The following KCNN2 variants were observed in gnomAD, a reference collection of about 807,000 sequenced individuals.
The protein encoded by KCNN2 is small conductance calcium-activated potassium channel protein 2.
KCNN2 carries 24 observed loss-of-function variants against 55.5 expected under a neutral mutation model. That is an observed-to-expected ratio of 0.43 (90% CI 0.31 to 0.61). The LOEUF (loss-of-function observed/expected upper bound fraction) is 0.61. Ranked by LOEUF, KCNN2 falls within the 20% of genes least tolerant of loss-of-function variation. The pLI, the probability that KCNN2 is intolerant of heterozygous loss-of-function variation, is 0.08. For missense variants in KCNN2, 754 were observed against 853.6 expected (o/e 0.88, Z 1.45); for synonymous variants, 431 against 336.1 (o/e 1.28, Z -3.09).
intron 2 of KCNN2, among the ~76,000 whole-genome samples, chr5:114,257,666 A>G (rs2150002812): frequency 6.6e-6 from 1 of 152,292 alleles, no homozygotes; most frequent in East Asian, 1.9e-4. Flanking sequence ...TTATAGGTAT[A>G]CAGAAATGGA....
intron 5 of KCNN2, among the ~76,000 whole-genome samples, chr5:114,474,549 G>C (rs897289301): frequency 1.3e-5 from 2 of 152,132 alleles, no homozygotes; most frequent in Non-Finnish European, 2.9e-5. Context: ...CTGAATAAAG[G>C]CTTGGGTTTC....
chr5:114,329,221 G>A (rs1274814779), intron 2 of KCNN2, among the ~76,000 whole-genome samples: 2 of 152,172 alleles, frequency 1.3e-5, no homozygotes, highest in Non-Finnish European at 1.5e-5. Flanking sequence ...CAAGTCCAGC[G>A]TGATGGTTAA....
At chr5:114,432,777 C>A (rs1396561624) in intron 3 of KCNN2, among the ~76,000 whole-genome samples, 1 of 152,208 alleles carries the variant, frequency 6.6e-6, no homozygotes, top group Non-Finnish European at 1.5e-5. Flanking sequence ...GCACGCCGAG[C>A]AGCCGGCCAG....
intron 2 of KCNN2, among the ~76,000 whole-genome samples, chr5:114,311,632 G>A (rs908529870): frequency 2.6e-5 from 4 of 152,058 alleles, no homozygotes; most frequent in Non-Finnish European, 4.4e-5. Context: ...GTTTTATCAA[G>A]CTTTTTGTGC....
intron 1 of KCNN2, among the ~76,000 whole-genome samples, chr5:114,151,162 T>A (rs1752516197): frequency 1.3e-5 from 2 of 152,134 alleles, no homozygotes; most frequent in South Asian, 4.2e-4. Context: ...GTAAAACAGA[T>A]CTGTTACATT....
chr5:114,207,694 T>G (rs768736810), intron 1 of KCNN2, among the ~76,000 whole-genome samples: 1 of 152,210 alleles, frequency 6.6e-6, no homozygotes, highest in East Asian at 1.9e-4. Flanking sequence ...AGAATTACTT[T>G]CAGGAGCATT....
chr5:114,111,352 A>G (rs562351355), intron 1 of KCNN2, among the ~76,000 whole-genome samples: 31 of 152,344 alleles, frequency 2.0e-4, no homozygotes, highest in Non-Finnish European at 3.5e-4. Context: ...AAAGACTTCA[A>G]TGTAATACCT....
intron 2 of KCNN2, among the ~76,000 whole-genome samples, chr5:114,374,227 C>A (rs530716948): frequency 3.7e-4 from 57 of 152,094 alleles, no homozygotes; most frequent in Non-Finnish European, 6.3e-4. Context: ...CTAATTAGGA[C>A]CCTGGTGACT....
intron 1 of KCNN2, among the ~76,000 whole-genome samples, chr5:114,147,826 G>T (rs780730563): frequency 6.6e-6 from 1 of 152,142 alleles, no homozygotes; most frequent in Admixed American, 6.6e-5. Flanking sequence ...AATGGCGCGA[G>T]CTTCTAGGTG....
At chr5:114,193,323 C>G (rs1753487113) in intron 1 of KCNN2, among the ~76,000 whole-genome samples, 1 of 152,090 alleles carries the variant, frequency 6.6e-6, no homozygotes. Flanking sequence ...TGAATTGTCT[C>G]TGGGCAAATA....
intron 2 of KCNN2, among the ~76,000 whole-genome samples, chr5:114,298,188 G>T (rs935941984): frequency 6.6e-6 from 1 of 152,200 alleles, no homozygotes; most frequent in Non-Finnish European, 1.5e-5. Context: ...CACTGGCAAA[G>T]AATACACGTT....
chr5:114,333,533 G>A (rs990412913), intron 2 of KCNN2, among the ~76,000 whole-genome samples: 3 of 151,508 alleles, frequency 2.0e-5, no homozygotes, highest in African/African-American at 7.3e-5. Context: ...TTTCTATGTA[G>A]GTGACTTTAT....
At chr5:114,239,054 G>A (rs1394076932) in intron 2 of KCNN2, among the ~76,000 whole-genome samples, 1 of 152,172 alleles carries the variant, frequency 6.6e-6, no homozygotes, top group Admixed American at 6.5e-5. Flanking sequence ...ATAGGAAGAG[G>A]CCCAAAGATT....
intron 1 of KCNN2, among the ~76,000 whole-genome samples, chr5:114,104,837 G>C (rs574500519): frequency 1.3e-5 from 2 of 152,072 alleles, no homozygotes; most frequent in Admixed American, 6.6e-5. Flanking sequence ...GGGGAAGAGA[G>C]ATGGAGGAAA....
At chr5:114,224,150 C>A (rs964052032) in intron 2 of KCNN2, among the ~76,000 whole-genome samples, 2 of 152,100 alleles carry the variant, frequency 1.3e-5, no homozygotes, top group Non-Finnish European at 2.9e-5. Flanking sequence ...GACCACAGAA[C>A]TGTGGTTTTC....
chr5:114,270,005 CA>C (rs1755293590), intron 2 of KCNN2, among the ~76,000 whole-genome samples: 1 of 152,200 alleles, frequency 6.6e-6, no homozygotes, highest in South Asian at 2.1e-4. Flanking sequence ...TTCATAAGAA[CA>C]TGCTGATCTC....
At chr5:114,284,268 G>A (rs555633864) in intron 2 of KCNN2, among the ~76,000 whole-genome samples, 2 of 152,182 alleles carry the variant, frequency 1.3e-5, no homozygotes, top group Non-Finnish European at 2.9e-5. Context: ...TTCAGCAAAA[G>A]GGTTAGTGCA....
At chr5:114,464,280 C>G (rs546676234) in intron 4 of KCNN2, among the ~76,000 whole-genome samples, 1 of 152,288 alleles carries the variant, frequency 6.6e-6, no homozygotes, top group African/African-American at 2.4e-5. Context: ...TTTCAATGAC[C>G]TAGGCTTGTC....
intron 2 of KCNN2, among the ~76,000 whole-genome samples, chr5:114,265,841 C>T (rs59830609): frequency 0.045 from 6,912 of 152,206 alleles, 199 homozygotes; most frequent in South Asian, 0.072. Context: ...TTGTTGACTA[C>T]TCACCCTGTG....
Sources: allele counts gnomAD v4.1 joint callset (sites outside exome capture counted in the v4.1 genomes callset), GRCh38; gene constraint gnomAD v4.1.1; transcripts MANE v1.5; gene names NCBI Gene and HGNC (gene_info 2026-07-23, HGNC 2026-07-21).